The following PABIR3 variants were observed in gnomAD, a reference collection of about 807,000 sequenced individuals.
PABIR3 encodes PABIR family member 3.
PABIR3 carries 20 observed loss-of-function variants against 23.1 expected under a neutral mutation model. The observed-to-expected ratio is 0.86, with a 90% confidence interval of 0.61 to 1.26. PABIR3 has a LOEUF of 1.26. Among genes scored for constraint, PABIR3 ranks in the 50% most tolerant of loss-of-function variants. The pLI, the probability that PABIR3 is intolerant of heterozygous loss-of-function variation, is 0.00. For synonymous variants in PABIR3, 69 were observed against 68.5 expected, an observed-to-expected ratio of 1.01 and a Z score of -0.04; for missense variants, 189 against 195.4, an observed-to-expected ratio of 0.97 and a Z score of 0.20.
intron 1 of PABIR3, among the ~76,000 whole-genome samples, chrX:134,800,259 C>T (rs1395110539): frequency 1.9e-5 from 2 of 106,878 alleles, no homozygotes; most frequent in Admixed American, 1.0e-4. Context: ...TGAGATCACA[C>T]CACGGCACTC....
At chrX:134,824,955 C>T (rs984887428) in intron 3 of PABIR3, among the ~76,000 whole-genome samples, 11 of 112,012 alleles carry the variant, frequency 9.8e-5, no homozygotes, top group African/African-American at 3.6e-4. Context: ...CAGGAGTGAA[C>T]CTAAATGTAA....
chrX:134,799,991 T>G (rs1007880377), intron 1 of PABIR3: 1 of 106,764 alleles, frequency 9.4e-6, no homozygotes, highest in African/African-American at 3.5e-5. Context: ...ATAAAATTTT[T>G]ATTTAAAACC....
In PABIR3 at chrX:134,807,618, A is replaced by T. The variant is rs781575411; in HGVS notation, c.20A>T (p.Lys7Ile). Residue 7 changes from lysine (K) to isoleucine (I), a missense_variant, in exon 2 of 11, where the codon AAA becomes ATA. Coordinates refer to ENST00000645433, the MANE Select transcript of PABIR3 (RefSeq NM_001388447.1). Reference protein sequence around the residue: MAQEKMKLGFKSLPSST... With the variant: MAQEKMILGFKSLPSST... Reference sequence around the variant, plus strand: ...CCGGACATGGCACAGGAGAAAATGAAACTAGGTTTCAAGTCGCTGCCGAGT... The same window carrying T: ...CCGGACATGGCACAGGAGAAAATGATACTAGGTTTCAAGTCGCTGCCGAGT... 59 of 1,208,892 alleles carry T rather than the reference A, an allele frequency of 4.9e-5. No individual in the cohort carries two copies. The South Asian group carries it at 9.9e-4, about 20-fold the overall frequency.
chrX:134,828,067 ATATG>A (rs1170051817), intron 3 of PABIR3, among the ~76,000 whole-genome samples: 1 of 100,652 alleles, frequency 9.9e-6, no homozygotes, highest in African/African-American at 3.6e-5. Context: ...ATATATATAT[ATATG>A]TATATTTGTA....
chrX:134,847,507 C>G (rs377027502), intron 7 of PABIR3, 32 bp downstream of exon 7: 55 of 1,010,330 alleles, frequency 5.4e-5, no homozygotes, highest in Non-Finnish European at 7.3e-5. Context: ...GTCTATGTCT[C>G]TTGAAATAGT....
chrX:134,822,280 A>C lies in PABIR3; in HGVS notation c.190-6946A>C, dbSNP rs867949579. The C allele has an allele frequency of 2.4e-5, 18 of 751,356 alleles. No individual in the cohort carries two copies. In the African/African-American group the frequency reaches 3.0e-4, roughly 13 times the overall value. 61.9% of individuals were successfully genotyped at this position (751,356 alleles called of 1,213,427 possible). A position where few individuals can be genotyped will look rare whatever the true frequency, so the allele number is the denominator to read the frequency against. On this transcript the variant is annotated intron_variant, in intron 3 of 10. Coordinates refer to ENST00000645433, the MANE Select transcript of PABIR3 (RefSeq NM_001388447.1). The stretch of plus-strand genomic sequence containing the variant: ...TTAATACTTTGTTTCATGTGGAAAA[A>C]TTATCTAAGGTAATTCCTTTGCAAA...
chrX:134,813,649 C>T (rs182637961), intron 2 of PABIR3, among the ~76,000 whole-genome samples: 2 of 111,470 alleles, frequency 1.8e-5, no homozygotes, highest in East Asian at 2.8e-4. Context: ...GAAAAGATGC[C>T]GGGCACCGCT....
Position 134,847,943 on chromosome X carries a change from A to G in PABIR3, c.499A>G (p.Ile167Val), listed in dbSNP as rs1295115323. ...VSCTGSPSSP[I>V]PSPMQQYIIR... ...TTGCACTGGTTCGCCTTCAAGTCCTATTCCCAGTCCTATGCAACAATACAT... is the reference window on the plus strand; with the variant it reads ...TTGCACTGGTTCGCCTTCAAGTCCTGTTCCCAGTCCTATGCAACAATACAT... The change falls in exon 8 of 11, where the codon ATT becomes GTT. Residue 167 changes from isoleucine (I) to valine (V), a missense_variant. Transcript: ENST00000645433. 4 of 1,152,146 alleles carry G rather than the reference A, an allele frequency of 3.5e-6. No individual in the cohort carries two copies. Among genetic ancestry groups the G allele is most frequent in the African/African-American group, 1.8e-5 (1 of 55,708 alleles). 94.9% of individuals were successfully genotyped at this position (1,152,146 alleles called of 1,213,427 possible).
rs1380747235 is a variant in PABIR3 at position 134,797,231 on chromosome X, A to G, written c.-98+367A>G. 6.2e-5 allele frequency: 7 copies of G among 113,356 alleles called. No individual in the cohort carries two copies. In the Admixed American group the frequency reaches 6.4e-4, roughly 10 times the overall value. The allele number at this position is 113,356 out of a possible 1,213,427, so 9.3% of individuals were successfully genotyped here. A position where few individuals can be genotyped will look rare whatever the true frequency, so the allele number is the denominator to read the frequency against. Reference sequence around the variant, plus strand: ...GCGCACGCGTCCAGCGGCCACTCCAATGGGCCCGCGGGCACGGAGCGTGCG... The same window carrying G: ...GCGCACGCGTCCAGCGGCCACTCCAGTGGGCCCGCGGGCACGGAGCGTGCG... On this transcript the variant is annotated intron_variant, in intron 1 of 4. Coordinates refer to the PABIR3 transcript ENST00000414371.
intron 3 of PABIR3, among the ~76,000 whole-genome samples, chrX:134,827,588 C>A (rs1173265042): frequency 1.8e-5 from 2 of 111,535 alleles, no homozygotes; most frequent in Non-Finnish European, 3.8e-5. Flanking sequence ...TTTAAGAACT[C>A]AGAGGAATCT....
chrX:134,829,190 TTAAAGCAAG>T, intron 3 of PABIR3, 27 bp from the exon 4 acceptor site: 2 of 1,145,268 alleles, frequency 1.7e-6, no homozygotes, highest in Admixed American at 2.2e-5. Flanking sequence ...ATCACAAACA[TTAAAGCAAG>T]CTTGACTTCT....
the PABIR3 span, among the ~76,000 whole-genome samples, chrX:134,861,231 C>T: frequency 9.2e-6 from 1 of 108,363 alleles, no homozygotes; most frequent in African/African-American, 3.4e-5. Flanking sequence ...GCCGAGATGG[C>T]GCCACTGCAC....
chrX:134,808,531 C>T (rs2080394796), intron 2 of PABIR3, among the ~76,000 whole-genome samples: 1 of 111,773 alleles, frequency 8.9e-6, no homozygotes, highest in Non-Finnish European at 1.9e-5. Context: ...CAGGCGCCCA[C>T]CAACACTCCC....
intron 4 of PABIR3, chrX:134,844,077 A>C (rs778085097): frequency 9.2e-6 from 1 of 108,849 alleles, no homozygotes; most frequent in Non-Finnish European, 1.9e-5. Context: ...GGTGTATGCT[A>C]CCACACTTGG....
chrX:134,863,647 A>C, the PABIR3 span, among the ~76,000 whole-genome samples: 12 of 111,624 alleles, frequency 1.1e-4, no homozygotes, highest in African/African-American at 3.2e-4. Context: ...GGCACCCCAC[A>C]AGATGATAGT....
rs1448483635 is a variant in PABIR3, at chrX:134,807,450, A to T, written c.-59-90A>T. 3 of 1,088,112 alleles carry T rather than the reference A, an allele frequency of 2.8e-6. No individual in the cohort carries two copies. In the African/African-American group the frequency reaches 5.6e-5, roughly 20 times the overall value. The allele number at this position is 1,088,112 out of a possible 1,213,427, so 89.7% of individuals were successfully genotyped here. A position where few individuals can be genotyped will look rare whatever the true frequency, so the allele number is the denominator to read the frequency against. On this transcript the variant is annotated intron_variant, in intron 1 of 10. Transcript: ENST00000645433. ...GATGTTAGGGCTGCTAGGGCTGCAA[A>T]GGTGGGCACCCCTACTCGCCTAAGA...
chrX:134,840,976 TTG>T (rs2082211588), intron 4 of PABIR3, among the ~76,000 whole-genome samples: 1 of 110,419 alleles, frequency 9.1e-6, no homozygotes, highest in Non-Finnish European at 1.9e-5. Context: ...TATTTATTTA[TTG>T]AGACAGGGTC....
chrX:134,808,623 G>C (rs1340122072), intron 2 of PABIR3, among the ~76,000 whole-genome samples: 1 of 111,521 alleles, frequency 9.0e-6, no homozygotes, highest in South Asian at 3.7e-4. Flanking sequence ...CTCGTGATCC[G>C]CCCGCCTCGG....
intron 1 of PABIR3, among the ~76,000 whole-genome samples, chrX:134,799,136 A>T (rs1158570346): frequency 1.8e-5 from 2 of 112,145 alleles, no homozygotes; most frequent in African/African-American, 3.2e-5. Context: ...GAATTTAGAC[A>T]TATTTTTTAA....
Sources: gnomAD v4.1 joint callset for allele counts (sites outside exome capture counted in the v4.1 genomes callset) on GRCh38, gnomAD v4.1.1 for gene constraint, MANE v1.5 for transcripts, NCBI Gene and HGNC (gene_info 2026-07-23, HGNC 2026-07-21) for gene names.